Variants in ZNF461 observed in about 807,000 individuals in gnomAD.
ZNF461 encodes gonadotropin-inducible ovarian transcription factor-1.
In ZNF461, 16 loss-of-function variants were observed where a neutral mutation model predicts 18.3. The observed-to-expected ratio is 0.88, with a 90% CI of 0.59 to 1.33. ZNF461 has a LOEUF of 1.33. Among genes scored for constraint, ZNF461 ranks in the 40% most tolerant of loss-of-function variants. The pLI is 0.00. For synonymous variants in ZNF461, 179 were observed against 216.9 expected (o/e 0.83, Z 1.54); for missense variants, 595 against 669.9 (o/e 0.89, Z 1.23).
intron 1 of ZNF461, among the ~76,000 whole-genome samples, chr19:36,665,832 A>G (rs968657757): frequency 6.6e-6 from 1 of 151,702 alleles, no homozygotes; most frequent in African/African-American, 2.4e-5. Context: ...TGAGGCTGTA[A>G]TGATAAATGC....
intron 2 of ZNF461, among the ~76,000 whole-genome samples, chr19:36,662,612 T>C (rs920785676): frequency 6.6e-6 from 1 of 152,218 alleles, no homozygotes; most frequent in Non-Finnish European, 1.5e-5. Context: ...AATGCTATCA[T>C]TGATTACTAA....
chr19:36,658,112 G>C, intron 3 of ZNF461, 187 bp downstream of exon 3: 1 of 588,552 alleles, frequency 1.7e-6, no homozygotes, highest in South Asian at 2.6e-5. Context: ...GTGTAAGGAT[G>C]GGGAAAATGA....
chr19:36,637,464 T>C lies in ZNF461; in HGVS notation c.*1189A>G, dbSNP rs2037317803. ...ATCCGCCCGCCTCGGCCTCCCAAAG[T>C]GCTGGGATTACAGGCATGAGCCACC... On this transcript the variant is annotated 3_prime_UTR_variant, in exon 6 of 6. Coordinates refer to ENST00000588268, the MANE Select transcript of ZNF461 (RefSeq NM_153257.5). 1 of 153,592 alleles carries C rather than the reference T, an allele frequency of 6.5e-6. No individual in the cohort carries two copies. Among genetic ancestry groups the C allele is most frequent in the African/African-American group, 2.4e-5 (1 of 41,452 alleles). 9.5% of individuals were successfully genotyped at this position (153,592 alleles called of 1,614,324 possible).
At chr19:36,646,289 C>G (rs2037527291) in intron 4 of ZNF461, among the ~76,000 whole-genome samples, 4 of 152,094 alleles carry the variant, frequency 2.6e-5, no homozygotes. Flanking sequence ...TGCCACCACG[C>G]CCGGCTAATT....
Position 36,641,440 on chromosome 19 carries a change from A to G in ZNF461, c.302-1397T>C, listed in dbSNP as rs538902217. Among the ~76,000 whole-genome samples the G allele has an allele frequency of 2.0e-5, 3 of 151,752 alleles. No individual in the cohort carries two copies. The South Asian group carries it at 6.2e-4, about 32-fold the overall frequency. On this transcript the variant is annotated intron_variant, in intron 5 of 5. Transcript: ENST00000588268. ...AGGCTGAGACAGGAGAATTGCTTGAACCGGGAGGTGGAGGCTGAAGTGAGC... is the reference window on the plus strand; with the variant it reads ...AGGCTGAGACAGGAGAATTGCTTGAGCCGGGAGGTGGAGGCTGAAGTGAGC...
At chr19:36,648,873 G>A (rs920026643) in intron 4 of ZNF461, among the ~76,000 whole-genome samples, 2 of 152,102 alleles carry the variant, frequency 1.3e-5, no homozygotes, top group Non-Finnish European at 2.9e-5. Flanking sequence ...GAGCCACCGT[G>A]CCCAGCCTCA....
Position 36,639,751 on chromosome 19 carries a change from T to C in ZNF461, c.594A>G (p.Arg198=). ...AAAATAAATGGTAACTGAAGATTTT[T>C]CTACACTTTTTACATTCAGAGATTT... ...REKISECKKC[R]KIFSYHLFFS... The change falls in exon 6 of 6, where the codon AGA becomes AGG. Residue 198 remains arginine (R), a synonymous_variant. Coordinates refer to ENST00000588268, the MANE Select transcript of ZNF461 (RefSeq NM_153257.5). The C allele has an allele frequency of 6.2e-7, 1 of 1,613,422 alleles. No homozygotes were observed. Among genetic ancestry groups the C allele is most frequent in the South Asian group, 1.1e-5 (1 of 91,036 alleles).
intron 2 of ZNF461, 22 bp from the exon 3 acceptor site, chr19:36,658,447 C>G: frequency 1.9e-6 from 3 of 1,571,500 alleles, no homozygotes; most frequent in Non-Finnish European, 2.6e-6. Flanking sequence ...AATAATAGTA[C>G]TATTTTTGAA....
Position 36,639,940 on chromosome 19 carries a change from A to G in ZNF461, c.405T>C (p.Ser135=), listed in dbSNP as rs777520570. 1.2e-6 allele frequency: 2 copies of G among 1,613,774 alleles called. No homozygotes were observed. Among genetic ancestry groups the G allele is most frequent in the Non-Finnish European group, 1.7e-6 (2 of 1,179,868 alleles). ...TAGCGCTGAAAATTGATCTCTCAGGACTATGGCTTTTAAATTCTTCCATGT... is the reference window on the plus strand; with the variant it reads ...TAGCGCTGAAAATTGATCTCTCAGGGCTATGGCTTTTAAATTCTTCCATGT... ...WVNMEEFKSH[S]PERSIFSAIW... Residue 135 remains serine, a synonymous_variant, in exon 6 of 6, where the codon AGT becomes AGC. Transcript: ENST00000588268.
chr19:36,654,923 T>C (rs567647394), intron 4 of ZNF461, among the ~76,000 whole-genome samples: 3 of 152,314 alleles, frequency 2.0e-5, no homozygotes, highest in African/African-American at 7.2e-5. Flanking sequence ...CCCTGTTAGA[T>C]TGAAAACGTC....
intron 4 of ZNF461, among the ~76,000 whole-genome samples, chr19:36,653,849 C>G (rs2037670704): frequency 1.3e-5 from 2 of 152,144 alleles, no homozygotes; most frequent in Non-Finnish European, 2.9e-5. Flanking sequence ...ATAAGTATAG[C>G]TAACACAAGG....
At chr19:36,640,465 A>G (rs905484162) in intron 5 of ZNF461, among the ~76,000 whole-genome samples, 4 of 152,220 alleles carry the variant, frequency 2.6e-5, no homozygotes, top group African/African-American at 9.6e-5. Context: ...AAAAATATCA[A>G]TTGAACCCAT....
chr19:36,664,416 C>T (rs918979343), intron 2 of ZNF461, among the ~76,000 whole-genome samples: 9 of 152,188 alleles, frequency 5.9e-5, no homozygotes, highest in South Asian at 2.1e-4. Context: ...GGCAAAACCC[C>T]GTATCTACTT....
intron 4 of ZNF461, among the ~76,000 whole-genome samples, chr19:36,652,278 G>A (rs1045861502): frequency 6.6e-6 from 1 of 151,724 alleles, no homozygotes; most frequent in Non-Finnish European, 1.5e-5. Context: ...GATCGCCTGA[G>A]GTCAGGAGTT....
At chr19:36,664,483 G>A (rs943743014) in intron 2 of ZNF461, among the ~76,000 whole-genome samples, 5 of 151,982 alleles carry the variant, frequency 3.3e-5, no homozygotes, top group Non-Finnish European at 7.4e-5. Flanking sequence ...AGCTACTTGG[G>A]AGGCTGAAGT....
intron 4 of ZNF461, among the ~76,000 whole-genome samples, chr19:36,655,081 T>C (rs1338826871): frequency 2.6e-5 from 4 of 152,170 alleles, no homozygotes; most frequent in African/African-American, 9.6e-5. Flanking sequence ...CTCAAACTCC[T>C]GGGCTCAAGT....
At chr19:36,650,390 T>C (rs1053288202) in intron 4 of ZNF461, among the ~76,000 whole-genome samples, 2 of 152,116 alleles carry the variant, frequency 1.3e-5, no homozygotes, top group Non-Finnish European at 2.9e-5. Context: ...AATACTCTAC[T>C]AAGATAAAAT....
chr19:36,649,236 T>C (rs2037582676), intron 4 of ZNF461, among the ~76,000 whole-genome samples: 1 of 152,166 alleles, frequency 6.6e-6, no homozygotes, highest in African/African-American at 2.4e-5. Flanking sequence ...ATGAAGCACA[T>C]GTTGGAATTA....
intron 4 of ZNF461, among the ~76,000 whole-genome samples, chr19:36,654,265 A>G (rs1263500929): frequency 3.3e-5 from 5 of 152,176 alleles, no homozygotes; most frequent in Non-Finnish European, 7.3e-5. Flanking sequence ...CCATTTTTCC[A>G]TGATTCCTCT....
Sources: allele counts gnomAD v4.1 joint callset (sites outside exome capture counted in the v4.1 genomes callset), GRCh38; gene constraint gnomAD v4.1.1; transcripts MANE v1.5; gene names NCBI Gene and HGNC (gene_info 2026-07-23, HGNC 2026-07-21).